Variants in NSDHL observed in about 807,000 individuals in gnomAD.
NSDHL encodes the protein NAD(P) dependent 3-beta-hydroxysteroid dehydrogenase NSDHL.
In NSDHL, 1 loss-of-function variant was observed where a neutral mutation model predicts 23.0. The ratio of observed to expected loss-of-function variants is 0.04; its 90% confidence interval spans 0.02 to 0.21. NSDHL has a LOEUF of 0.21. Ranked by LOEUF, NSDHL falls within the 10% of genes least tolerant of loss-of-function variation. NSDHL has a pLI of 1.00. For missense variants in NSDHL, 237 were observed against 300.9 expected (o/e 0.79, Z 1.57); for synonymous variants, 128 against 121.1 (o/e 1.06, Z -0.37).
chrX:152,839,293 T>G (rs1364134375), intron 1 of NSDHL, among the ~76,000 whole-genome samples: 1 of 112,251 alleles, frequency 8.9e-6, no homozygotes, highest in East Asian at 2.8e-4. Flanking sequence ...ATTTAGCCCA[T>G]TTACATTTAA....
chrX:152,836,074 G>A (rs1478336500), intron 1 of NSDHL, among the ~76,000 whole-genome samples: 1 of 112,453 alleles, frequency 8.9e-6, no homozygotes, highest in Non-Finnish European at 1.9e-5. Flanking sequence ...ATTTTTTCGT[G>A]TGTCTGTTGG....
intron 2 of NSDHL, among the ~76,000 whole-genome samples, chrX:152,846,652 G>A: frequency 8.9e-6 from 1 of 112,619 alleles, no homozygotes; most frequent in East Asian, 2.8e-4. Context: ...GGTTTCGGCT[G>A]AGCCCAGCTG....
intron 4 of NSDHL, among the ~76,000 whole-genome samples, chrX:152,861,218 C>T (rs782207844): frequency 1.8e-5 from 2 of 112,948 alleles, no homozygotes; most frequent in Non-Finnish European, 3.7e-5. Context: ...TTTATGTTTG[C>T]TTATGGTGTG....
chrX:152,861,888 T>C (rs1184410200), intron 4 of NSDHL, among the ~76,000 whole-genome samples: 1 of 112,531 alleles, frequency 8.9e-6, no homozygotes, highest in Non-Finnish European at 1.9e-5. Context: ...GTGTTTTCTG[T>C]GTAGATTTTT....
At chrX:152,836,383 T>C (rs1361221071) in intron 1 of NSDHL, among the ~76,000 whole-genome samples, 2 of 112,214 alleles carry the variant, frequency 1.8e-5, no homozygotes, top group African/African-American at 6.5e-5. Context: ...TGCCCATGCC[T>C]ATGTCCTGAA....
At chrX:152,846,713 A>C (rs980842671) in intron 2 of NSDHL, among the ~76,000 whole-genome samples, 2 of 111,997 alleles carry the variant, frequency 1.8e-5, no homozygotes, top group East Asian at 5.6e-4. Flanking sequence ...TTGCAATCAC[A>C]TGGGGACCCC....
chrX:152,846,096 G>A (rs868932107), intron 1 of NSDHL, among the ~76,000 whole-genome samples, 186 bp from the exon 2 acceptor site: 1 of 113,051 alleles, frequency 8.8e-6, no homozygotes, highest in South Asian at 3.6e-4. Context: ...CCCGTTAGCC[G>A]GGCATGGTGG....
intron 7 of NSDHL, among the ~76,000 whole-genome samples, 200 bp from the exon 8 acceptor site, chrX:152,868,584 A>G (rs1445798259): frequency 1.8e-5 from 2 of 112,770 alleles, no homozygotes; most frequent in Non-Finnish European, 3.7e-5. Flanking sequence ...TCTATGCTTC[A>G]TTTAAAATCC....
chrX:152,837,070 G>A (rs1231845446), intron 1 of NSDHL, among the ~76,000 whole-genome samples: 1 of 111,852 alleles, frequency 8.9e-6, no homozygotes, highest in Non-Finnish European at 1.9e-5. Context: ...AAGCAATTGT[G>A]AATGGGAGTT....
intron 5 of NSDHL, among the ~76,000 whole-genome samples, chrX:152,863,960 G>A (rs1292125771): frequency 1.8e-5 from 2 of 108,985 alleles, no homozygotes; most frequent in African/African-American, 3.4e-5. Flanking sequence ...TGCCCAGGCT[G>A]GAGTGCAGTG....
chrX:152,834,556 T>C (rs1933062410), intron 1 of NSDHL, among the ~76,000 whole-genome samples: 2 of 112,629 alleles, frequency 1.8e-5, no homozygotes, highest in Admixed American at 1.9e-4. Flanking sequence ...TATCACATCT[T>C]TGAATTCTGA....
chrX:152,868,810 C>T lies in NSDHL; in HGVS notation c.816C>T (p.Pro272=), dbSNP rs1328593149. Residue 272 remains proline, a synonymous_variant, in exon 8 of 8, where the codon CCC becomes CCT. Transcript: ENST00000370274. ...CATTTCACATCACCAATGATGAGCCCATCCCTTTCTGGACATTCCTGTCTC... is the reference window on the plus strand; with the variant it reads ...CATTTCACATCACCAATGATGAGCCTATCCCTTTCTGGACATTCCTGTCTC... ...GKAFHITNDE[P]IPFWTFLSRI... is the part of the protein sequence containing the mutation. 1.7e-6 allele frequency: 2 copies of T among 1,209,658 alleles called. No individual in the cohort carries two copies. The highest frequency in any genetic ancestry group is 3.5e-5 in the African/African-American group (2 of 57,248).
intron 5 of NSDHL, 113 bp downstream of exon 5, chrX:152,862,837 T>A: frequency 4.2e-6 from 3 of 712,629 alleles, no homozygotes; most frequent in Non-Finnish European, 6.6e-6. Flanking sequence ...TGATTTGAGA[T>A]GTAAAATTTG....
At chrX:152,834,069 C>A (rs188316025) in intron 1 of NSDHL, among the ~76,000 whole-genome samples, 188 of 112,533 alleles carry the variant, frequency 1.7e-3, no homozygotes, top group Middle Eastern at 9.2e-3. Flanking sequence ...TCACTCAAAC[C>A]CATCTTCCAT....
intron 4 of NSDHL, among the ~76,000 whole-genome samples, chrX:152,860,487 A>G (rs1933508515): frequency 9.0e-6 from 1 of 111,594 alleles, no homozygotes; most frequent in Non-Finnish European, 1.9e-5. Flanking sequence ...AGGCCAAGGC[A>G]GGAAGATCCC....
At chrX:152,860,415 C>G (rs1396608539) in intron 4 of NSDHL, among the ~76,000 whole-genome samples, 2 of 111,686 alleles carry the variant, frequency 1.8e-5, no homozygotes, top group African/African-American at 6.5e-5. Context: ...AGGTTGGGGG[C>G]ATACAACAAA....
intron 2 of NSDHL, among the ~76,000 whole-genome samples, chrX:152,849,089 C>G (rs1933318178): frequency 8.9e-6 from 1 of 111,880 alleles, no homozygotes; most frequent in African/African-American, 3.3e-5. Context: ...CTGGTGGAAT[C>G]CAGTATGAGT....
intron 1 of NSDHL, among the ~76,000 whole-genome samples, chrX:152,845,676 T>C (rs898400800): frequency 9.0e-6 from 1 of 111,291 alleles, no homozygotes; most frequent in South Asian, 3.8e-4. Context: ...GATGCTAAGT[T>C]CCTCCACGCA....
rs1203532571 is a variant in NSDHL at position 152,868,857 on chromosome X, A to G, written c.863A>G (p.Tyr288Cys). ...FLSRILTGLNYEAPKYHIPYW... is the reference protein window; with the variant it reads ...FLSRILTGLNCEAPKYHIPYW... The stretch of plus-strand genomic sequence containing the variant: ...TCTCGCATCCTGACAGGCCTCAATT[A>G]TGAGGCCCCCAAGTACCACATCCCC... The change falls in exon 8 of 8, where the codon TAT becomes TGT. Residue 288 changes from tyrosine to cysteine, a missense_variant. Around this residue, in one of 3 missense-constraint regions of NSDHL, gnomAD observed 117 missense variants for 99.5 expected, o/e 1.18. Coordinates refer to ENST00000370274, the MANE Select transcript of NSDHL (RefSeq NM_015922.3). 2.5e-6 allele frequency: 3 copies of G among 1,207,880 alleles called. No individual in the cohort carries two copies. Among genetic ancestry groups the G allele is most frequent in the Non-Finnish European group, 3.4e-6 (3 of 893,084 alleles).
Sources: gnomAD v4.1 joint callset for allele counts (sites outside exome capture counted in the v4.1 genomes callset) on GRCh38, gnomAD v4.1.1 for gene constraint, gnomAD v4.1.1 regional missense constraint, MANE v1.5 for transcripts, NCBI Gene and HGNC (gene_info 2026-07-23, HGNC 2026-07-21) for gene names.